PRX: variants seen among roughly 807,000 people sequenced by gnomAD.
The protein encoded by PRX is periaxin.
Under a neutral mutation model 29.6 loss-of-function variants are expected in PRX, and 24 were observed. That is an observed-to-expected ratio of 0.81 (90% confidence interval 0.59 to 1.14). PRX has a LOEUF of 1.14. PRX is among the 50% of genes most tolerant of loss of function. The pLI, the probability that PRX is intolerant of heterozygous loss-of-function variation, is 0.00. For synonymous variants in PRX, 772 were observed against 831.7 expected (o/e 0.93, Z 1.24); for missense variants, 1,838 against 1,926.4 (o/e 0.95, Z 0.86).
chr19:40,412,206 G>A (rs2079561710), intron 1 of PRX, among the ~76,000 whole-genome samples: 3 of 152,284 alleles, frequency 2.0e-5, no homozygotes, highest in African/African-American at 7.2e-5. Flanking sequence ...TCATAGCAAT[G>A]GGGGTCAGGG....
intron 1 of PRX, among the ~76,000 whole-genome samples, chr19:40,410,289 G>A (rs2079552703): frequency 6.6e-6 from 1 of 152,216 alleles, no homozygotes; most frequent in South Asian, 2.1e-4. Context: ...ACAGGGAAAG[G>A]TCAGGCCTCA....
At chr19:40,408,816 GGT>G (rs575859236) in intron 1 of PRX, among the ~76,000 whole-genome samples, 3,887 of 143,054 alleles carry the variant, frequency 0.027, 88 homozygotes, top group African/African-American at 0.064. Context: ...TGTTGTTGGT[GGT>G]GTGTGTGTGT....
At position 40,394,636 on chromosome 19, in the gene PRX, C is replaced by T. The variant is rs2079412815; in HGVS notation, c.3716G>A (p.Gly1239Asp). 7 of 1,607,386 alleles carry T rather than the reference C, an allele frequency of 4.4e-6. No homozygotes were observed. Among genetic ancestry groups the T allele is most frequent in the Non-Finnish European group, 5.9e-6 (7 of 1,179,732 alleles). Residue 1239 changes from glycine to aspartate, a missense_variant, in exon 7 of 7, where the codon GGC becomes GAC. Physicochemically the swap from Gly to Asp is moderately conservative, Grantham distance 94 (BLOSUM62 -1). Around this residue, in one of 3 missense-constraint regions of PRX, gnomAD observed 1,143 missense variants for 1,193.0 expected, o/e 0.96. Coordinates refer to ENST00000324001, the MANE Select transcript of PRX (RefSeq NM_181882.3). The surrounding 1 kb of genome is among the most constrained non-coding windows in gnomAD (Gnocchi z 5.8). ...REAQAGEAAT[G>D]EGGLRLKLPT... ...CAACTTCAGCCTCAGCCCACCCTCG[C>T]CTGTGGCCGCCTCGCCCGCCTGTGC...
chr19:40,405,096 C>T (rs995133001), intron 4 of PRX, among the ~76,000 whole-genome samples: 2 of 152,052 alleles, frequency 1.3e-5, no homozygotes, highest in Non-Finnish European at 2.9e-5. Flanking sequence ...ACCTGTGAAA[C>T]GCCCACAGGA....
chr19:40,408,787 C>A, intron 1 of PRX, among the ~76,000 whole-genome samples: 1 of 150,078 alleles, frequency 6.7e-6, no homozygotes, highest in Non-Finnish European at 1.5e-5. Flanking sequence ...CATGCCACAA[C>A]ACCCGGCTAC....
intron 1 of PRX, among the ~76,000 whole-genome samples, chr19:40,412,246 A>G (rs1352280294): frequency 1.3e-5 from 2 of 152,002 alleles, no homozygotes; most frequent in Non-Finnish European, 2.9e-5. Context: ...ACCTCTAAAC[A>G]TTATCTGAGG....
At position 40,395,033 on chromosome 19, in the gene PRX, G is replaced by A. The variant is rs2079418221; in HGVS notation, c.3319C>T (p.Gln1107Ter). ...GCCCCCTCTGCCCTCCCTTCCTCCT[G>A]GGCGCCCAGCGTGACCAGCTCCACC... ...PEVELVTLGA[Q>*]EEGRAEGAVA... is the part of the protein sequence containing the mutation. Residue 1107 changes from glutamine (Q) to a stop codon, truncating the protein, a stop_gained, in exon 7 of 7, where the codon CAG (glutamine) becomes TAG (stop). Coordinates refer to ENST00000324001, the MANE Select transcript of PRX (RefSeq NM_181882.3). LOFTEE classifies it low-confidence loss of function (END_TRUNC). The A allele has an allele frequency of 6.2e-7, 1 of 1,610,722 alleles. No individual in the cohort carries two copies. The highest frequency in any genetic ancestry group is 8.5e-7 in the Non-Finnish European group (1 of 1,179,944).
At position 40,396,725 on chromosome 19, in the gene PRX, G is replaced by A. The variant is rs1370468682; in HGVS notation, c.1627C>T (p.Leu543Phe). 2 of 1,613,174 alleles carry A rather than the reference G, an allele frequency of 1.2e-6. No homozygotes were observed. Among genetic ancestry groups the A allele is most frequent in the Non-Finnish European group, 1.7e-6 (2 of 1,179,880 alleles). Residue 543 changes from leucine (L) to phenylalanine (F), a missense_variant, in exon 7 of 7, where the codon CTT (leucine) becomes TTT (phenylalanine). Leu to Phe is a conservative substitution (Grantham distance 22, BLOSUM62 0). Around this residue, in one of 3 missense-constraint regions of PRX, gnomAD observed 29 missense variants for 68.4 expected, o/e 0.42. Transcript: ENST00000324001. ...VPEMAVPEVR[L>F]PEVQLPKVSE... is the part of the protein sequence containing the mutation. ...ACTTTCGGCAGCTGTACCTCTGGAA[G>A]CCGCACCTCCGGCACAGCCATCTCT...
At chr19:40,406,196 G>C (rs1346751422) in intron 4 of PRX, among the ~76,000 whole-genome samples, 1 of 149,860 alleles carries the variant, frequency 6.7e-6, no homozygotes, top group African/African-American at 2.5e-5. Context: ...GCAGTGAGCT[G>C]AGATCGCACC....
chr19:40,403,750 A>C lies in PRX; in HGVS notation c.140T>G (p.Leu47Arg). ...CCTGGCGGCGGGTGAGTCCTCGCGC[A>C]GCTCCCGAACGAAGATTCCCTCTTT... is the stretch of plus-strand genomic sequence containing the variant. ...GGKEGIFVRELREDSPAARSL... is the reference protein window; with the variant it reads ...GGKEGIFVRERREDSPAARSL... The change falls in exon 5 of 7, where the codon CTG becomes CGG. Residue 47 changes from leucine to arginine, a missense_variant. Coordinates refer to ENST00000324001, the MANE Select transcript of PRX (RefSeq NM_181882.3). The C allele has an allele frequency of 6.3e-7, 1 of 1,579,006 alleles. No individual in the cohort carries two copies.
chr19:40,405,046 G>A (rs539719313), intron 4 of PRX, among the ~76,000 whole-genome samples: 6 of 152,274 alleles, frequency 3.9e-5, no homozygotes, highest in African/African-American at 1.4e-4. Flanking sequence ...GCTTGAATGT[G>A]TGTGAGAATG....
In PRX at chr19:40,393,831, G is replaced by C. The variant is rs987600589; in HGVS notation, c.*135C>G. 7 of 1,365,878 alleles carry C rather than the reference G, an allele frequency of 5.1e-6. No individual in the cohort carries two copies. The highest frequency in any genetic ancestry group is 2.0e-6 in the Non-Finnish European group (2 of 984,798). 84.6% of individuals were successfully genotyped at this position (1,365,878 alleles called of 1,614,324 possible). On this transcript the variant is annotated 3_prime_UTR_variant, in exon 7 of 7. Coordinates refer to ENST00000324001, the MANE Select transcript of PRX (RefSeq NM_181882.3). ...ACAGGCACTCCTGCCAGAGAGACAG[G>C]AGCAGGCCTCCCTGCCAGCCCTGGT...
chr19:40,395,648 C>T lies in PRX; in HGVS notation c.2704G>A (p.Glu902Lys), dbSNP rs1215562473. The T allele has an allele frequency of 6.2e-7, 1 of 1,614,106 alleles. No individual in the cohort carries two copies. Among genetic ancestry groups the T allele is most frequent in the Non-Finnish European group, 8.5e-7 (1 of 1,180,046 alleles). ...REVGFRVPSV[E>K]IVTPQLPAVE... ...GCGGGCAGCTGTGGGGTGACAATTT[C>T]AACAGAGGGCACTCGGAAGCCCACT... is the stretch of plus-strand genomic sequence containing the variant. The change falls in exon 7 of 7, where the codon GAA becomes AAA. Residue 902 changes from glutamate to lysine, a missense_variant. Physicochemically the swap from Glu to Lys is moderately conservative, Grantham distance 56. This residue lies in a region of PRX where 1,143 missense variants were observed against 1,193.0 expected (regional missense o/e 0.96). Coordinates refer to ENST00000324001, the MANE Select transcript of PRX (RefSeq NM_181882.3).
At position 40,395,224 on chromosome 19, in the gene PRX, G is replaced by A; in HGVS notation, c.3128C>T (p.Ala1043Val). Residue 1043 changes from alanine to valine, a missense_variant, in exon 7 of 7, where the codon GCT (alanine) becomes GTT (valine). Ala to Val is a moderately conservative substitution (Grantham distance 64, BLOSUM62 0). This residue lies in a region of PRX where 1,143 missense variants were observed against 1,193.0 expected (regional missense o/e 0.96). Coordinates refer to ENST00000324001, the MANE Select transcript of PRX (RefSeq NM_181882.3). ...TEAAELVPGV[A>V]ELEGKGWGWD... Reference sequence around the variant, plus strand: ...GCCCCAGCCCTTGCCCTCCAACTCAGCCACCCCTGGCACTAGTTCTGCTGC... The same window carrying A: ...GCCCCAGCCCTTGCCCTCCAACTCAACCACCCCTGGCACTAGTTCTGCTGC... 6.2e-7 allele frequency: 1 copy of A among 1,613,848 alleles called. No homozygotes were observed. The highest frequency in any genetic ancestry group is 1.1e-5 in the South Asian group (1 of 91,068).
chr19:40,401,182 TCCAAAAC>T (rs923290952), intron 5 of PRX, among the ~76,000 whole-genome samples: 1 of 152,152 alleles, frequency 6.6e-6, no homozygotes, highest in African/African-American at 2.4e-5. Flanking sequence ...TATATATACC[TCCAAAAC>T]CCTTTGGTCC....
At chr19:40,414,753 C>A (rs1035722807), upstream of PRX, among the ~76,000 whole-genome samples, 5 of 152,172 alleles carry the variant, frequency 3.3e-5, no homozygotes, top group Non-Finnish European at 5.9e-5. Flanking sequence ...GCCACTTGAA[C>A]CCACCCGGCT....
Position 40,396,686 on chromosome 19 carries a change from G to A in PRX, c.1666C>T (p.Leu556Phe), listed in dbSNP as rs1180330150. ...VQLPKVSEMK[L>F]PEVSEVAVPE... ...ACAGCCACCTCTGACACCTCTGGGA[G>A]TTTCATCTCTGACACTTTCGGCAGC... The change falls in exon 7 of 7, where the codon CTC (leucine) becomes TTC (phenylalanine). Residue 556 changes from leucine to phenylalanine, a missense_variant. Leu to Phe is a conservative substitution (Grantham distance 22, BLOSUM62 0). This residue lies in a region of PRX where 1,143 missense variants were observed against 1,193.0 expected (regional missense o/e 0.96). Coordinates refer to ENST00000324001, the MANE Select transcript of PRX (RefSeq NM_181882.3). 4 of 1,613,622 alleles carry A rather than the reference G, an allele frequency of 2.5e-6. No individual in the cohort carries two copies. In the South Asian group the frequency reaches 4.4e-5, roughly 18 times the overall value.
chr19:40,410,852 T>TA (rs1303823190), intron 1 of PRX, among the ~76,000 whole-genome samples: 1 of 152,084 alleles, frequency 6.6e-6, no homozygotes, highest in Admixed American at 6.6e-5. Flanking sequence ...GCCTGTGCGA[T>TA]AGAGCGAGAC....
At position 40,397,924 on chromosome 19, in the gene PRX, C is replaced by T. The variant is rs1379927550; in HGVS notation, c.428G>A (p.Gly143Glu). 1 of 1,612,824 alleles carries T rather than the reference C, an allele frequency of 6.2e-7. No individual in the cohort carries two copies. The highest frequency in any genetic ancestry group is 1.1e-5 in the South Asian group (1 of 90,848). The change falls in exon 7 of 7, where the codon GGG becomes GAG. Residue 143 changes from glycine (G) to glutamate (E), a missense_variant. Gly to Glu is a moderately conservative substitution (Grantham distance 98, BLOSUM62 -2). Coordinates refer to ENST00000324001, the MANE Select transcript of PRX (RefSeq NM_181882.3). ...CAGGTCAGCGGGGACCCCCAGAGCC[C>T]CAGGCACCATCTTCTTCTTCTTCAC... ...SPVKKKKMVP[G>E]ALGVPADLAP...
Sources: allele counts gnomAD v4.1 joint callset (sites outside exome capture counted in the v4.1 genomes callset), GRCh38; gene constraint gnomAD v4.1.1; regional missense constraint gnomAD v4.1.1; non-coding constraint Gnocchi (gnomAD v3.1); transcripts MANE v1.5; gene names NCBI Gene and HGNC (gene_info 2026-07-23, HGNC 2026-07-21).